The following ARHGEF9 variants were observed in gnomAD, a reference collection of about 807,000 sequenced individuals.
The protein encoded by ARHGEF9 is rho guanine nucleotide exchange factor 9.
In ARHGEF9, 2 loss-of-function variants were observed where a neutral mutation model predicts 41.3. That is an observed-to-expected ratio of 0.05 (90% CI 0.02 to 0.15). The LOEUF is 0.15. ARHGEF9 is among the 10% of genes least tolerant of loss of function. ARHGEF9 has a pLI of 1.00. For missense variants in ARHGEF9, 225 were observed against 424.7 expected (o/e 0.53, Z 4.13); for synonymous variants, 160 against 154.4 (o/e 1.04, Z -0.27).
At chrX:63,776,673 T>C (rs1434625044) in intron 1 of ARHGEF9, among the ~76,000 whole-genome samples, 1 of 111,645 alleles carries the variant, frequency 9.0e-6, no homozygotes, top group Admixed American at 9.5e-5. Flanking sequence ...ATGAGCACTG[T>C]GCAGAGAGTA....
At chrX:63,755,777 C>T (rs782120387) in intron 1 of ARHGEF9, 79 of 647,429 alleles carry the variant, frequency 1.2e-4, no homozygotes, top group Admixed American at 1.8e-4. Flanking sequence ...CAGGGACACA[C>T]GACAGAATTT....
At chrX:63,647,799 A>G (rs1470440033) in intron 8 of ARHGEF9, among the ~76,000 whole-genome samples, 2 of 111,418 alleles carry the variant, frequency 1.8e-5, no homozygotes, top group Non-Finnish European at 3.8e-5. Flanking sequence ...TAGTTTCAGA[A>G]GGAATGGTAC....
chrX:63,691,846 G>A (rs1556381829), intron 4 of ARHGEF9, among the ~76,000 whole-genome samples: 1 of 111,156 alleles, frequency 9.0e-6, no homozygotes, highest in African/African-American at 3.3e-5. Flanking sequence ...TGGTACTGAA[G>A]TAAAAACAGA....
intron 2 of ARHGEF9, among the ~76,000 whole-genome samples, chrX:63,714,933 A>G (rs1404034605): frequency 1.8e-5 from 2 of 111,307 alleles, no homozygotes; most frequent in Non-Finnish European, 3.8e-5. Flanking sequence ...AGACTCAAAA[A>G]CCCTTCCCAA....
intron 6 of ARHGEF9, among the ~76,000 whole-genome samples, chrX:63,669,262 C>T (rs782740224): frequency 1.8e-4 from 20 of 111,323 alleles, no homozygotes; most frequent in South Asian, 3.8e-4. Context: ...AATCCCCAAC[C>T]GTGGGCCTTT....
At chrX:63,682,151 A>G (rs2050666986) in intron 4 of ARHGEF9, among the ~76,000 whole-genome samples, 1 of 108,724 alleles carries the variant, frequency 9.2e-6, no homozygotes, top group Non-Finnish European at 1.9e-5. Flanking sequence ...AAATAAATAA[A>G]TAAATAAATA....
chrX:63,709,806 T>C (rs1393967871), intron 2 of ARHGEF9, among the ~76,000 whole-genome samples: 1 of 111,894 alleles, frequency 8.9e-6, no homozygotes, highest in African/African-American at 3.3e-5. Flanking sequence ...TTTAATCCCA[T>C]GCTCAAACAT....
intron 9 of ARHGEF9, chrX:63,641,549 G>A (rs2047634502): frequency 9.0e-6 from 1 of 111,384 alleles, no homozygotes; most frequent in Non-Finnish European, 1.9e-5. Context: ...CTTGGCATGA[G>A]TTAGCAGGGC....
At chrX:63,774,667 C>T (rs2056261405) in intron 1 of ARHGEF9, among the ~76,000 whole-genome samples, 1 of 111,642 alleles carries the variant, frequency 9.0e-6, no homozygotes, top group South Asian at 3.8e-4. Context: ...TACTCCCCAT[C>T]CTATGCAACT....
At chrX:63,667,253 C>G (rs1556349975) in intron 6 of ARHGEF9, among the ~76,000 whole-genome samples, 1 of 111,876 alleles carries the variant, frequency 8.9e-6, no homozygotes, top group African/African-American at 3.3e-5. Flanking sequence ...GTTAGAGGTA[C>G]AAAAAGATCA....
chrX:63,635,694 G>T lies in ARHGEF9; in HGVS notation c.*2334C>A. 2.0e-5 allele frequency: 5 copies of T among 253,864 alleles called. No individual in the cohort carries two copies. The highest frequency in any genetic ancestry group is 3.4e-5 in the Non-Finnish European group (5 of 147,161). The allele number at this position is 253,864 out of a possible 1,213,427, so 20.9% of individuals were successfully genotyped here. ...CCTGATCCTGGAGCCCTGGGCAGAA[G>T]CCCCAAGGAGGGAGGAAATGAGAGG... is the stretch of plus-strand genomic sequence containing the variant. On this transcript the variant is annotated 3_prime_UTR_variant, in exon 10 of 10. Transcript: ENST00000671741.
chrX:63,751,328 A>G (rs1371023504), intron 1 of ARHGEF9, among the ~76,000 whole-genome samples: 1 of 111,569 alleles, frequency 9.0e-6, no homozygotes, highest in African/African-American at 3.3e-5. Flanking sequence ...GAGAAGGCAG[A>G]GGAGGAAGGA....
intron 1 of ARHGEF9, among the ~76,000 whole-genome samples, chrX:63,759,737 A>T (rs1360659407): frequency 8.9e-6 from 1 of 112,082 alleles, no homozygotes; most frequent in African/African-American, 3.2e-5. Context: ...TACATACATA[A>T]ACTCTTTTAA....
In ARHGEF9 at chrX:63,741,428, T is replaced by C. The variant is rs1184622836; in HGVS notation, c.31-16717A>G. Among the ~76,000 whole-genome samples the C allele has an allele frequency of 4.4e-5, 5 of 112,699 alleles. No individual in the cohort carries two copies. In the Admixed American group the frequency reaches 4.7e-4, roughly 11 times the overall value. The stretch of plus-strand genomic sequence containing the variant: ...CCCACCAGCTGGGACCAGTTCCCTG[T>C]CATGCCCACTTAGGAAAAAGTGACA... On this transcript the variant is annotated intron_variant, in intron 1 of 9. Transcript: ENST00000671741.
chrX:63,692,763 G>T (rs2051439733), intron 4 of ARHGEF9, among the ~76,000 whole-genome samples: 1 of 111,993 alleles, frequency 8.9e-6, no homozygotes, highest in South Asian at 3.7e-4. Context: ...GCACTCCCTT[G>T]TTTATCACAG....
intron 8 of ARHGEF9, among the ~76,000 whole-genome samples, chrX:63,646,347 G>GT (rs2048066416): frequency 8.9e-6 from 1 of 112,086 alleles, no homozygotes; most frequent in Non-Finnish European, 1.9e-5. Flanking sequence ...TTCTTCTGGG[G>GT]TTTTTATGGT....
At chrX:63,657,575 G>T (rs1214619430) in intron 7 of ARHGEF9, 1 of 111,862 alleles carries the variant, frequency 8.9e-6, no homozygotes. Flanking sequence ...TCTATTGGTT[G>T]TCCCCAGGAT....
intron 6 of ARHGEF9, among the ~76,000 whole-genome samples, chrX:63,670,973 C>G (rs2049922222): frequency 8.9e-6 from 1 of 112,326 alleles, no homozygotes; most frequent in African/African-American, 3.2e-5. Flanking sequence ...GCCAGACACT[C>G]TGATCTATTG....
chrX:63,745,797 A>G (rs1437154988), intron 1 of ARHGEF9, among the ~76,000 whole-genome samples: 1 of 111,475 alleles, frequency 9.0e-6, no homozygotes, highest in Non-Finnish European at 1.9e-5. Flanking sequence ...TATCTCCCCA[A>G]GCACTATGGC....
Sources: allele counts gnomAD v4.1 joint callset (sites outside exome capture counted in the v4.1 genomes callset), GRCh38; gene constraint gnomAD v4.1.1; transcripts MANE v1.5; gene names NCBI Gene and HGNC (gene_info 2026-07-23, HGNC 2026-07-21).